Variants in ROCK1 observed in about 807,000 individuals in gnomAD.
ROCK1 encodes Rho associated coiled-coil containing protein kinase 1, also known as rho-associated protein kinase 1.
A neutral mutation model predicts 196.8 loss-of-function variants in ROCK1; 36 were observed. The observed-to-expected ratio is 0.18, with a 90% CI of 0.14 to 0.24. The LOEUF is 0.24. Among genes scored for constraint, ROCK1 ranks in the 10% least tolerant of loss-of-function variants. The pLI, the probability that ROCK1 is intolerant of heterozygous loss-of-function variation, is 1.00. For synonymous variants in ROCK1, 443 were observed against 515.9 expected (o/e 0.86, Z 1.91); for missense variants, 920 against 1,562.0 (o/e 0.59, Z 6.93).
chr18:20,952,041 G>A (rs1484333132), intron 32 of ROCK1, among the ~76,000 whole-genome samples: 1 of 152,190 alleles, frequency 6.6e-6, no homozygotes, highest in African/African-American at 2.4e-5. Context: ...ATTTACTAAT[G>A]TGTAAAATGA....
chr18:20,983,388 C>T (rs1249482650), intron 20 of ROCK1, among the ~76,000 whole-genome samples: 2 of 150,840 alleles, frequency 1.3e-5, no homozygotes, highest in Non-Finnish European at 1.5e-5. Flanking sequence ...CAAGGAGGAA[C>T]GCAGATAGAC....
At chr18:21,075,450 G>A (rs1215450625) in intron 1 of ROCK1, among the ~76,000 whole-genome samples, 1 of 152,154 alleles carries the variant, frequency 6.6e-6, no homozygotes. Flanking sequence ...CTACATCTGA[G>A]GTCCTTTGGG....
chr18:21,002,589 G>T (rs1350747317), intron 16 of ROCK1, among the ~76,000 whole-genome samples: 2 of 152,128 alleles, frequency 1.3e-5, no homozygotes, highest in Admixed American at 6.5e-5. Context: ...TTCATCTCTA[G>T]AGTAGTATTC....
In ROCK1 at chr18:20,966,936, T is replaced by A. The variant is rs2035379387; in HGVS notation, c.3333A>T (p.Glu1111Asp). 1 of 1,612,530 alleles carries A rather than the reference T, an allele frequency of 6.2e-7. No homozygotes were observed. Among genetic ancestry groups the A allele is most frequent in the East Asian group, 2.2e-5 (1 of 44,810 alleles). ...TCTTACCTGGGAGGTTACCATCAGT[T>A]TCATCAGCACTAGGAAAACTAGCAA... ...TSVASFPSADETDGNLPESRI... is the reference protein window; with the variant it reads ...TSVASFPSADDTDGNLPESRI... Residue 1111 changes from glutamate to aspartate, a missense_variant, in exon 27 of 33, where the codon GAA becomes GAT. Coordinates refer to ENST00000399799, the MANE Select transcript of ROCK1 (RefSeq NM_005406.3).
chr18:20,959,958 C>T (rs763291121), intron 28 of ROCK1, 30 bp from the exon 29 acceptor site: 129 of 1,363,186 alleles, frequency 9.5e-5, no homozygotes, highest in Non-Finnish European at 1.3e-4. Context: ...GGAAGAGTTA[C>T]AAGAGCAACA....
At chr18:20,991,406 G>C in intron 17 of ROCK1, 80 bp from the exon 18 acceptor site, 2 of 905,398 alleles carry the variant, frequency 2.2e-6, no homozygotes, top group Non-Finnish European at 1.6e-6. Context: ...TAATATTCTG[G>C]AAGAGATATG....
In ROCK1 at chr18:21,075,804, T is replaced by G. The variant is rs749720650; in HGVS notation, c.94-5191A>C. Among the ~76,000 whole-genome samples, 11 of 151,384 alleles carry G rather than the reference T, an allele frequency of 7.3e-5. 1 individual carries two copies. The highest frequency in any genetic ancestry group is 1.5e-4 in the Non-Finnish European group (10 of 67,810). ...CCCTTCTTTACTAAAATACAAAAAA[T>G]TAGCCGGGTATGGGGATGCGCACCT... is the stretch of plus-strand genomic sequence containing the variant. On this transcript the variant is annotated intron_variant, in intron 1 of 32. Coordinates refer to ENST00000399799, the MANE Select transcript of ROCK1 (RefSeq NM_005406.3).
At position 20,949,268 on chromosome 18, in the gene ROCK1, G is replaced by A. The variant is rs2035159111; in HGVS notation, c.*2116C>T. 6.6e-6 allele frequency: 1 copy of A among 152,228 alleles called. No homozygotes were observed. The highest frequency in any genetic ancestry group is 1.5e-5 in the Non-Finnish European group (1 of 68,008). The allele number at this position is 152,228 out of a possible 1,614,324, so 9.4% of individuals were successfully genotyped here. A position where few individuals can be genotyped will look rare whatever the true frequency, so the allele number is the denominator to read the frequency against. On this transcript the variant is annotated 3_prime_UTR_variant, in exon 33 of 33. Transcript: ENST00000399799. The stretch of plus-strand genomic sequence containing the variant: ...GGTAGTAAGGACACCGTCAGGAACT[G>A]TGCTGAGATTTTATCCTGTTTGCAT...
intron 19 of ROCK1, among the ~76,000 whole-genome samples, chr18:20,985,131 T>G (rs2035567115): frequency 6.6e-6 from 1 of 151,916 alleles, no homozygotes; most frequent in Admixed American, 6.6e-5. Flanking sequence ...GGGGGAACAT[T>G]TGAATGGAGT....
intron 28 of ROCK1, 100 bp from the exon 29 acceptor site, chr18:20,960,028 T>A: frequency 9.7e-7 from 1 of 1,032,068 alleles, no homozygotes; most frequent in Non-Finnish European, 1.5e-6. Flanking sequence ...TTATACTGTA[T>A]TAATGTAAAA....
At chr18:20,959,299 C>G (rs1204705782) in intron 29 of ROCK1, among the ~76,000 whole-genome samples, 1 of 140,104 alleles carries the variant, frequency 7.1e-6, no homozygotes, top group African/African-American at 2.7e-5. Flanking sequence ...GCAACCTCTG[C>G]CTCCCAGGTT....
chr18:20,958,824 T>C (rs2035272801), intron 29 of ROCK1, among the ~76,000 whole-genome samples: 1 of 141,050 alleles, frequency 7.1e-6, no homozygotes, highest in African/African-American at 2.6e-5. Flanking sequence ...TGTTATACTG[T>C]ATTTTTTAAA....
At position 21,075,951 on chromosome 18, in the gene ROCK1, C is replaced by CAAAAA. The variant is rs1286047222; in HGVS notation, c.94-5343_94-5339dup. On this transcript the variant is annotated intron_variant, in intron 1 of 32. Coordinates refer to ENST00000399799, the MANE Select transcript of ROCK1 (RefSeq NM_005406.3). ...CTGGTGACAGAGCAAGACTCTGTCT[C>CAAAAA]AAAAAAAAAAAAAAAGGAAAGAAAA... 6.0e-3 allele frequency among the ~76,000 whole-genome samples: 393 copies of CAAAAA among 65,048 alleles called. 3 individuals carry two copies. The highest frequency in any genetic ancestry group is 0.043 in the East Asian group (100 of 2,314). 42.7% of individuals were successfully genotyped at this position (65,048 alleles called of 152,430 possible). A position where few individuals can be genotyped will look rare whatever the true frequency, so the allele number is the denominator to read the frequency against.
At chr18:20,991,414 A>T (rs2035624993) in intron 17 of ROCK1, 88 bp from the exon 18 acceptor site, 3 of 844,978 alleles carry the variant, frequency 3.6e-6, no homozygotes, top group Non-Finnish European at 5.3e-6. Flanking sequence ...TGGAAGAGAT[A>T]TGATGCCTTA....
intron 13 of ROCK1, among the ~76,000 whole-genome samples, chr18:21,013,547 G>C (rs765175246): frequency 6.6e-6 from 1 of 152,202 alleles, no homozygotes; most frequent in Non-Finnish European, 1.5e-5. Context: ...AAGGCAGTGG[G>C]AGGGGCACCC....
At chr18:20,977,213 G>C (rs2035488646) in intron 22 of ROCK1, among the ~76,000 whole-genome samples, 1 of 152,056 alleles carries the variant, frequency 6.6e-6, no homozygotes, top group Admixed American at 6.6e-5. Context: ...CTTATTCTCT[G>C]AAAGTCCCTG....
intron 21 of ROCK1, among the ~76,000 whole-genome samples, chr18:20,981,970 T>G (rs2035537269): frequency 6.6e-6 from 1 of 152,178 alleles, no homozygotes; most frequent in South Asian, 2.1e-4. Flanking sequence ...CTTATTGAAT[T>G]GAATGCTATT....
At chr18:21,058,602 T>G (rs1190774803) in intron 2 of ROCK1, among the ~76,000 whole-genome samples, 4 of 152,164 alleles carry the variant, frequency 2.6e-5, no homozygotes, top group Admixed American at 2.6e-4. Flanking sequence ...AATCTGATTT[T>G]TCTTTTCTTT....
chr18:21,095,921 AT>A (rs2036609111), intron 1 of ROCK1, among the ~76,000 whole-genome samples: 1 of 152,126 alleles, frequency 6.6e-6, no homozygotes, highest in South Asian at 2.1e-4. Context: ...TACACACAGC[AT>A]GCCTGTATCA....
Sources: allele counts gnomAD v4.1 joint callset (sites outside exome capture counted in the v4.1 genomes callset), GRCh38; gene constraint gnomAD v4.1.1; transcripts MANE v1.5; gene names NCBI Gene and HGNC (gene_info 2026-07-23, HGNC 2026-07-21).